Variants in AMD1 observed in about 807,000 individuals in gnomAD.
The protein encoded by AMD1 is S-adenosylmethionine decarboxylase proenzyme.
AMD1 carries 11 observed loss-of-function variants against 40.2 expected under a neutral mutation model. That is an observed-to-expected ratio of 0.27 (90% CI 0.17 to 0.45). The LOEUF (loss-of-function observed/expected upper bound fraction) is 0.45. AMD1 is among the 20% of genes least tolerant of loss of function. AMD1 has a pLI of 1.00. For missense variants in AMD1, 257 were observed against 410.2 expected, an observed-to-expected ratio of 0.63 and a Z score of 3.23; for synonymous variants, 121 against 130.8, an observed-to-expected ratio of 0.93 and a Z score of 0.51.
At chr6:110,831,601 A>G in the AMD1 span, among the ~76,000 whole-genome samples, 1 of 151,732 alleles carries the variant, frequency 6.6e-6, no homozygotes, top group East Asian at 1.9e-4. Context: ...AGCCTTGAGG[A>G]CTCTCATTAG....
intron 1 of AMD1, among the ~76,000 whole-genome samples, chr6:110,881,177 G>A (rs1785391346): frequency 6.6e-6 from 1 of 152,066 alleles, no homozygotes; most frequent in African/African-American, 2.4e-5. Flanking sequence ...TAATATTTTA[G>A]TATCTAGTCT....
At chr6:110,866,477 C>A in the AMD1 span, among the ~76,000 whole-genome samples, 1 of 152,100 alleles carries the variant, frequency 6.6e-6, no homozygotes, top group Non-Finnish European at 1.5e-5. Flanking sequence ...TCGCCCACCC[C>A]CATTGTGATT....
chr6:110,854,542 G>A, the AMD1 span, among the ~76,000 whole-genome samples: 6 of 151,748 alleles, frequency 4.0e-5, no homozygotes, highest in South Asian at 4.2e-4. Context: ...TCTGCCTCCC[G>A]GGTTCAAACG....
chr6:110,886,696 C>T (rs767966100), intron 1 of AMD1, among the ~76,000 whole-genome samples: 12 of 152,176 alleles, frequency 7.9e-5, no homozygotes, highest in Non-Finnish European at 1.5e-4. Context: ...TTGCTTGAGC[C>T]TGGGAGGTCA....
intron 1 of AMD1, among the ~76,000 whole-genome samples, chr6:110,884,604 T>C (rs144694202): frequency 3.2e-3 from 482 of 152,216 alleles, no homozygotes; most frequent in Middle Eastern, 0.01. Context: ...CAGCTGCCTT[T>C]TTTCTTTTTA....
chr6:110,836,272 TA>T, the AMD1 span, among the ~76,000 whole-genome samples: 28 of 152,120 alleles, frequency 1.8e-4, 2 homozygotes, highest in East Asian at 1.4e-3. Context: ...TTGGAGGTGT[TA>T]AAAAAATTTA....
chr6:110,815,137 T>C, the AMD1 span: 6 of 1,593,018 alleles, frequency 3.8e-6, no homozygotes, highest in Non-Finnish European at 5.1e-6. Context: ...CATAATCCAT[T>C]GTCTGCTTCC....
At chr6:110,873,758 G>C (rs1228735619), upstream of AMD1, among the ~76,000 whole-genome samples, 1 of 152,138 alleles carries the variant, frequency 6.6e-6, no homozygotes, top group Non-Finnish European at 1.5e-5. Context: ...ATATTAGACT[G>C]ATAGTTATTT....
the AMD1 span, among the ~76,000 whole-genome samples, chr6:110,818,949 G>A: frequency 6.6e-6 from 1 of 152,204 alleles, no homozygotes; most frequent in African/African-American, 2.4e-5. Flanking sequence ...ACACTTTTGA[G>A]CTAAGGAGAA....
At chr6:110,830,209 G>A in the AMD1 span, among the ~76,000 whole-genome samples, 47 of 152,126 alleles carry the variant, frequency 3.1e-4, no homozygotes, top group African/African-American at 1.1e-3. Context: ...TAGAGATGGG[G>A]TTTCACCATG....
In AMD1 at chr6:110,892,391, T is replaced by C; in HGVS notation, c.563T>C (p.Val188Ala). ...EILMSELDPAVMDQFYMKDGV... is the reference protein window; with the variant it reads ...EILMSELDPAAMDQFYMKDGV... ...CTGATGAGTGAGCTTGACCCAGCAG[T>C]TATGGACCAGTTCTACATGAAAGAT... The change falls in exon 6 of 9, where the codon GTT becomes GCT. Residue 188 changes from valine to alanine, a missense_variant. Val to Ala is a moderately conservative substitution (Grantham distance 64). Coordinates refer to ENST00000368885, the MANE Select transcript of AMD1 (RefSeq NM_001634.6). The C allele has an allele frequency of 6.2e-7, 1 of 1,612,642 alleles. No homozygotes were observed. The highest frequency in any genetic ancestry group is 8.5e-7 in the Non-Finnish European group (1 of 1,180,020).
the AMD1 span, chr6:110,814,665 C>A: frequency 1.6e-5 from 8 of 512,676 alleles, no homozygotes; most frequent in African/African-American, 9.6e-5. Context: ...GCTCTGCCTG[C>A]CCGCTGCGTT....
chr6:110,862,494 T>G, the AMD1 span, among the ~76,000 whole-genome samples: 2 of 150,238 alleles, frequency 1.3e-5, no homozygotes, highest in African/African-American at 4.9e-5. Flanking sequence ...TGAGACAGAG[T>G]TTTGCTTTGT....
intron 4 of AMD1, 62 bp downstream of exon 4, chr6:110,890,418 A>G (rs1785948747): frequency 8.8e-7 from 1 of 1,139,418 alleles, no homozygotes; most frequent in African/African-American, 1.6e-5. Flanking sequence ...AACCTCAGAG[A>G]TCTTTCTATA....
At chr6:110,838,730 G>A in the AMD1 span, among the ~76,000 whole-genome samples, 2 of 152,010 alleles carry the variant, frequency 1.3e-5, no homozygotes. Context: ...ATGGTGGCAG[G>A]TGCATGTAAT....
At chr6:110,857,705 T>C in the AMD1 span, among the ~76,000 whole-genome samples, 3 of 146,662 alleles carry the variant, frequency 2.0e-5, no homozygotes, top group African/African-American at 5.0e-5. Context: ...GGCATATATA[T>C]AGATGGTATA....
At chr6:110,852,098 G>T in the AMD1 span, among the ~76,000 whole-genome samples, 1 of 149,686 alleles carries the variant, frequency 6.7e-6, no homozygotes, top group Non-Finnish European at 1.5e-5. Flanking sequence ...TGTTACCCAG[G>T]CTGGAGTGCA....
chr6:110,882,047 A>G (rs1023290944), intron 1 of AMD1, among the ~76,000 whole-genome samples: 2 of 152,218 alleles, frequency 1.3e-5, no homozygotes, highest in Non-Finnish European at 2.9e-5. Context: ...TAGTGCTTCA[A>G]AGTCTCAGTT....
intron 1 of AMD1, among the ~76,000 whole-genome samples, chr6:110,883,202 C>G (rs757654880): frequency 6.6e-6 from 1 of 152,104 alleles, no homozygotes; most frequent in Non-Finnish European, 1.5e-5. Context: ...ATTAATAAAC[C>G]CTGGACAGAA....
Sources: gnomAD v4.1 joint callset for allele counts (sites outside exome capture counted in the v4.1 genomes callset) on GRCh38, gnomAD v4.1.1 for gene constraint, MANE v1.5 for transcripts, NCBI Gene and HGNC (gene_info 2026-07-23, HGNC 2026-07-21) for gene names.